Variants in WWP1 observed in about 807,000 individuals in gnomAD.
WWP1 encodes the protein WW domain containing E3 ubiquitin protein ligase 1.
WWP1 carries 49 observed loss-of-function variants against 130.6 expected under a neutral mutation model. The ratio of observed to expected loss-of-function variants is 0.38; its 90% CI spans 0.30 to 0.48. The LOEUF (loss-of-function observed/expected upper bound fraction) is 0.48, where lower values mean the gene tolerates loss of function less well. Ranked by LOEUF, WWP1 falls within the 20% of genes least tolerant of loss-of-function variation. The pLI is 0.99. For missense variants in WWP1, 809 were observed against 1,100.6 expected (o/e 0.74, Z 3.75); for synonymous variants, 332 against 367.8 (o/e 0.90, Z 1.11).
intron 8 of WWP1, among the ~76,000 whole-genome samples, chr8:86,410,972 C>T (rs947409396): frequency 6.6e-6 from 1 of 152,068 alleles, no homozygotes; most frequent in Non-Finnish European, 1.5e-5. Flanking sequence ...GACACGTAGT[C>T]GAACTAGATC....
At chr8:86,431,128 TTATA>T (rs1251452631) in intron 12 of WWP1, among the ~76,000 whole-genome samples, 211 of 132,090 alleles carry the variant, frequency 1.6e-3, no homozygotes, top group African/African-American at 5.6e-3. Flanking sequence ...ATAGAATAGA[TTATA>T]TATTAAAGAA....
intron 1 of WWP1, among the ~76,000 whole-genome samples, chr8:86,357,796 A>G (rs779329320): frequency 3.3e-5 from 5 of 152,220 alleles, no homozygotes; most frequent in Non-Finnish European, 5.9e-5. Context: ...TTTTGCAGGA[A>G]CAGTGTATAT....
chr8:86,438,509 A>G (rs1386012774), intron 16 of WWP1, 76 bp from the exon 17 acceptor site: 1 of 1,097,898 alleles, frequency 9.1e-7, no homozygotes, highest in Non-Finnish European at 1.3e-6. Flanking sequence ...GAAAATAGAG[A>G]TTAAATTTAA....
intron 9 of WWP1, among the ~76,000 whole-genome samples, chr8:86,414,049 A>T (rs955633206): frequency 6.6e-6 from 1 of 152,240 alleles, no homozygotes; most frequent in Non-Finnish European, 1.5e-5. Context: ...TGATCTTTGT[A>T]TTAGAATTTT....
rs1185280856 is a variant in WWP1 at position 86,431,397 on chromosome 8, A to G, written c.1388-9A>G. 2 of 1,576,864 alleles carry G rather than the reference A, an allele frequency of 1.3e-6. No homozygotes were observed. Among genetic ancestry groups the G allele is most frequent in the Non-Finnish European group, 1.7e-6 (2 of 1,157,670 alleles). On this transcript the variant is annotated splice_polypyrimidine_tract_variant and intron_variant, in intron 12 of 24. Transcript: ENST00000517970. ...AGTTATTAAATATTATACTCACTTT[A>G]TATTTCAGAAAAAAGAGTGGATTCA...
chr8:86,398,522 A>G, intron 6 of WWP1, 43 bp downstream of exon 6: 2 of 1,610,196 alleles, frequency 1.2e-6, no homozygotes, highest in Non-Finnish European at 1.7e-6. Flanking sequence ...AGGAAAAAGA[A>G]TAAGCAAGAA....
At chr8:86,351,111 A>G (rs1822893027) in intron 1 of WWP1, among the ~76,000 whole-genome samples, 1 of 152,208 alleles carries the variant, frequency 6.6e-6, no homozygotes, top group African/African-American at 2.4e-5. Context: ...AAATGTAAAG[A>G]ATACCATCCT....
chr8:86,351,239 A>G (rs1478744346), intron 1 of WWP1, among the ~76,000 whole-genome samples: 1 of 152,216 alleles, frequency 6.6e-6, no homozygotes, highest in East Asian at 1.9e-4. Flanking sequence ...TGAAGTTGAA[A>G]ATTCAAACAA....
intron 5 of WWP1, among the ~76,000 whole-genome samples, chr8:86,382,767 A>T (rs911567259): frequency 4.6e-5 from 7 of 152,228 alleles, no homozygotes; most frequent in African/African-American, 1.4e-4. Flanking sequence ...CTCACACCAC[A>T]ATTTATTTAG....
At chr8:86,411,939 G>C in intron 9 of WWP1, 65 bp downstream of exon 9, 1 of 1,384,528 alleles carries the variant, frequency 7.2e-7, no homozygotes, top group African/African-American at 1.4e-5. Context: ...TACGATTATT[G>C]AATGTGTGCA....
intron 1 of WWP1, among the ~76,000 whole-genome samples, chr8:86,359,570 T>A (rs994431697): frequency 6.6e-6 from 1 of 152,142 alleles, no homozygotes; most frequent in Non-Finnish European, 1.5e-5. Flanking sequence ...TCCTTAACTT[T>A]CTTTCCAGAC....
Position 86,448,375 on chromosome 8 carries a change from A to G in WWP1, c.2135A>G (p.Asp712Gly). Residue 712 changes from aspartate (D) to glycine (G), a missense_variant and splice_region_variant, in exon 20 of 25, where the codon GAT (aspartate) becomes GGT (glycine). Physicochemically the swap from Asp to Gly is moderately conservative, Grantham distance 94. This residue lies in a region of WWP1 where 450 missense variants were observed against 674.2 expected (regional missense o/e 0.67). Coordinates refer to ENST00000517970, the MANE Select transcript of WWP1 (RefSeq NM_007013.4). Reference protein sequence around the residue: ...EFYNSLIWIRDNNIEECGLEM... With the variant: ...EFYNSLIWIRGNNIEECGLEM... The stretch of plus-strand genomic sequence containing the variant: ...GTATATATATTTATTTCACCCAGAG[A>G]TAACAACATTGAAGAATGTGGCTTA... 1 of 1,611,742 alleles carries G rather than the reference A, an allele frequency of 6.2e-7. No individual in the cohort carries two copies. The highest frequency in any genetic ancestry group is 8.5e-7 in the Non-Finnish European group (1 of 1,179,334).
At position 86,467,484 on chromosome 8, in the gene WWP1, TTC is replaced by T. The variant is rs1019535195; in HGVS notation, c.*595_*596del. 3 of 152,570 alleles carry T rather than the reference TTC, an allele frequency of 2.0e-5. No individual in the cohort carries two copies. The highest frequency in any genetic ancestry group is 4.4e-5 in the Non-Finnish European group (3 of 68,038). The allele number at this position is 152,570 out of a possible 1,614,324, so 9.5% of individuals were successfully genotyped here. A position where few individuals can be genotyped will look rare whatever the true frequency, so the allele number is the denominator to read the frequency against. On this transcript the variant is annotated 3_prime_UTR_variant, in exon 25 of 25. Coordinates refer to ENST00000517970, the MANE Select transcript of WWP1 (RefSeq NM_007013.4). ...AAATAAATACAATAGTTGAAAATTT[TTC>T]TCTGTTACATCAGTAATATTGTTAA...
intron 1 of WWP1, among the ~76,000 whole-genome samples, chr8:86,349,166 C>T (rs111760950): frequency 3.9e-5 from 6 of 152,126 alleles, no homozygotes; most frequent in African/African-American, 7.2e-5. Flanking sequence ...GGATTACAGG[C>T]GTGCACCACC....
intron 1 of WWP1, among the ~76,000 whole-genome samples, chr8:86,354,832 G>A (rs1823163623): frequency 6.6e-6 from 1 of 152,138 alleles, no homozygotes; most frequent in East Asian, 1.9e-4. Context: ...TGTGGTTAGA[G>A]TGGTGGTGAT....
At position 86,448,256 on chromosome 8, in the gene WWP1, T is replaced by C. The variant is rs1810991833; in HGVS notation, c.2107T>C (p.Phe703Leu). The change falls in exon 19 of 25, where the codon TTT (phenylalanine) becomes CTT (leucine). Residue 703 changes from phenylalanine (F) to leucine (L), a missense_variant. Coordinates refer to ENST00000517970, the MANE Select transcript of WWP1 (RefSeq NM_007013.4). ...IKDLESIDTE[F>L]YNSLIWIRDN... ...GGATTTGGAATCTATTGATACTGAA[T>C]TTTATAACTCCCTTATCTGGATAAG... 1 of 1,582,930 alleles carries C rather than the reference T, an allele frequency of 6.3e-7. No individual in the cohort carries two copies. Among genetic ancestry groups the C allele is most frequent in the Non-Finnish European group, 8.5e-7 (1 of 1,172,090 alleles).
chr8:86,375,827 G>A (rs1824612447), intron 3 of WWP1, among the ~76,000 whole-genome samples: 1 of 152,070 alleles, frequency 6.6e-6, no homozygotes, highest in South Asian at 2.1e-4. Context: ...ATGTAATTTT[G>A]CCAGGTATTG....
chr8:86,355,719 A>G (rs904307617), intron 1 of WWP1, among the ~76,000 whole-genome samples: 11 of 152,174 alleles, frequency 7.2e-5, no homozygotes, highest in Non-Finnish European at 1.3e-4. Flanking sequence ...TTTACGATTA[A>G]TTGTTCTTTC....
chr8:86,455,367 T>C (rs1026774299), intron 21 of WWP1, among the ~76,000 whole-genome samples: 6 of 151,914 alleles, frequency 3.9e-5, no homozygotes, highest in Admixed American at 3.9e-4. Context: ...AGATGGGAAA[T>C]AAGTAAAACT....
Sources: gnomAD v4.1 joint callset for allele counts (sites outside exome capture counted in the v4.1 genomes callset) on GRCh38, gnomAD v4.1.1 for gene constraint, gnomAD v4.1.1 regional missense constraint, MANE v1.5 for transcripts, NCBI Gene and HGNC (gene_info 2026-07-23, HGNC 2026-07-21) for gene names.